CFAP61: variants seen among roughly 807,000 people sequenced by gnomAD.
CFAP61 encodes the protein cilia and flagella associated protein 61.
Under a neutral mutation model 135.6 loss-of-function variants are expected in CFAP61, and 107 were observed. The ratio of observed to expected loss-of-function variants is 0.79; its 90% CI spans 0.67 to 0.93. The LOEUF (loss-of-function observed/expected upper bound fraction) is 0.93. CFAP61 is among the 40% of genes least tolerant of loss of function. CFAP61 has a pLI of 0.00. For missense variants in CFAP61, 1,507 were observed against 1,556.2 expected, an observed-to-expected ratio of 0.97 and a Z score of 0.53; for synonymous variants, 575 against 578.5, an observed-to-expected ratio of 0.99 and a Z score of 0.09.
At chr20:20,187,836 T>G in intron 13 of CFAP61, 94 bp from the exon 14 acceptor site, 1 of 926,934 alleles carries the variant, frequency 1.1e-6, no homozygotes. Flanking sequence ...GGATATTATT[T>G]TATATAAGTG....
chr20:20,128,038 G>A (rs1036558494), intron 8 of CFAP61, among the ~76,000 whole-genome samples: 8 of 151,712 alleles, frequency 5.3e-5, no homozygotes, highest in African/African-American at 9.7e-5. Context: ...CATTCCCACT[G>A]TGCCCCACCC....
chr20:20,103,952 G>A (rs890006788), intron 8 of CFAP61, among the ~76,000 whole-genome samples: 1 of 152,188 alleles, frequency 6.6e-6, no homozygotes, highest in African/African-American at 2.4e-5. Context: ...CATGTAGGCC[G>A]TTGAGATCTG....
At chr20:20,233,692 A>C (rs2049345169) in intron 18 of CFAP61, among the ~76,000 whole-genome samples, 1 of 152,204 alleles carries the variant, frequency 6.6e-6, no homozygotes, top group African/African-American at 2.4e-5. Context: ...CACTAATCAC[A>C]ATGGGGTTTC....
chr20:20,129,084 G>T (rs1351491545), intron 8 of CFAP61, among the ~76,000 whole-genome samples: 1 of 151,534 alleles, frequency 6.6e-6, no homozygotes, highest in Non-Finnish European at 1.5e-5. Flanking sequence ...CTAGAGTTAT[G>T]AATAGATTGC....
At chr20:20,102,650 A>G (rs773169404) in intron 8 of CFAP61, among the ~76,000 whole-genome samples, 1 of 151,936 alleles carries the variant, frequency 6.6e-6, no homozygotes, top group Non-Finnish European at 1.5e-5. Flanking sequence ...TCCACCCTCA[A>G]AAGGCCCCAG....
rs560321516 is a variant in CFAP61 at position 20,203,522 on chromosome 20, AG to A, written c.1932+3623del. ...GTACACAGTAGGTATCGATGTTTAT[AG>A]GGTACATGAGATATTTTGATACAGG... On this transcript the variant is annotated intron_variant, in intron 17 of 26. Transcript: ENST00000245957. 2.9e-4 allele frequency among the ~76,000 whole-genome samples: 44 copies of A among 152,338 alleles called. No individual in the cohort carries two copies. In the South Asian group the frequency reaches 8.9e-3, roughly 31 times the overall value.
chr20:20,316,536 T>C (rs950403359), intron 25 of CFAP61, among the ~76,000 whole-genome samples: 2 of 150,522 alleles, frequency 1.3e-5, no homozygotes, highest in African/African-American at 5.0e-5. Context: ...TTTATTTCCT[T>C]CCCCTGCCTA....
intron 22 of CFAP61, among the ~76,000 whole-genome samples, chr20:20,283,025 G>A (rs915512301): frequency 2.6e-5 from 4 of 152,080 alleles, no homozygotes; most frequent in African/African-American, 9.7e-5. Context: ...TATGTATTAC[G>A]TATTATGTGC....
In CFAP61 at chr20:20,288,686, C is replaced by T. The variant is rs765426307; in HGVS notation, c.2874C>T (p.Asp958=). The change falls in exon 23 of 27, where the codon GAC becomes GAT. Residue 958 remains aspartate, a synonymous_variant. Transcript: ENST00000245957. ...TCAATGATGCATGTCTTGTGTATGA[C>T]AGTCGACTTGTGATTGATACCAACT... ...KALNDACLVY[D]SRLVIDTNFH... is the part of the protein sequence containing the mutation. The T allele has an allele frequency of 2.9e-5, 46 of 1,613,932 alleles. No homozygotes were observed. The highest frequency in any genetic ancestry group is 7.6e-6 in the Non-Finnish European group (9 of 1,179,898).
At chr20:20,322,906 A>G (rs540286053) in intron 25 of CFAP61, 2 of 985,440 alleles carry the variant, frequency 2.0e-6, no homozygotes, top group East Asian at 1.1e-4. Context: ...GTGACTTTCT[A>G]TACTTAAGTA....
intron 8 of CFAP61, among the ~76,000 whole-genome samples, chr20:20,135,578 T>C (rs993714768): frequency 4.6e-5 from 7 of 152,210 alleles, no homozygotes; most frequent in Admixed American, 2.6e-4. Flanking sequence ...TATAACCCAT[T>C]ATTTTAAACT....
At chr20:20,279,307 A>G (rs1265219507) in intron 22 of CFAP61, among the ~76,000 whole-genome samples, 2 of 152,180 alleles carry the variant, frequency 1.3e-5, no homozygotes, top group Non-Finnish European at 2.9e-5. Context: ...TGACTCTCCA[A>G]AAACTTAGCT....
intron 8 of CFAP61, among the ~76,000 whole-genome samples, chr20:20,135,880 C>T (rs2050885298): frequency 6.6e-6 from 1 of 152,132 alleles, no homozygotes; most frequent in South Asian, 2.1e-4. Flanking sequence ...GTCCTTTTCT[C>T]TCAGATTGAA....
intron 9 of CFAP61, among the ~76,000 whole-genome samples, chr20:20,150,226 A>G (rs1405888967): frequency 6.6e-6 from 1 of 151,954 alleles, no homozygotes; most frequent in Non-Finnish European, 1.5e-5. Flanking sequence ...GGAGGGTCTG[A>G]GCTCAGACCT....
In CFAP61 at chr20:20,071,016, C is replaced by T; in HGVS notation, c.294+12C>T. On this transcript the variant is annotated intron_variant, in intron 3 of 26. Coordinates refer to ENST00000245957, the MANE Select transcript of CFAP61 (RefSeq NM_015585.4). ...ACATCCCATGCACAGTAAGAAATCA[C>T]ATACAGTGCTTGTTAGAACACCCTG... is the stretch of plus-strand genomic sequence containing the variant. 1.2e-6 allele frequency: 2 copies of T among 1,611,358 alleles called. No individual in the cohort carries two copies. Among genetic ancestry groups the T allele is most frequent in the Non-Finnish European group, 1.7e-6 (2 of 1,178,822 alleles).
At chr20:20,271,080 C>A (rs2053309867) in intron 21 of CFAP61, among the ~76,000 whole-genome samples, 1 of 152,118 alleles carries the variant, frequency 6.6e-6, no homozygotes, top group Non-Finnish European at 1.5e-5. Context: ...TCACTTGAAG[C>A]CAGGATTTTG....
chr20:20,360,183 T>C (rs1448028309), intron 26 of CFAP61, 27 bp from the exon 27 acceptor site: 10 of 1,564,856 alleles, frequency 6.4e-6, no homozygotes, highest in Non-Finnish European at 7.9e-6. Context: ...TTAATTTCTG[T>C]ATCTGGCCTC....
chr20:20,056,874 T>G (rs2044382727), intron 2 of CFAP61, 78 bp downstream of exon 2: 1 of 1,355,056 alleles, frequency 7.4e-7, no homozygotes, highest in African/African-American at 1.4e-5. Context: ...TCTCAGCACT[T>G]TGAGAGGCCA....
chr20:20,211,098 T>G (rs1486168145), intron 17 of CFAP61, among the ~76,000 whole-genome samples: 1 of 152,230 alleles, frequency 6.6e-6, no homozygotes, highest in Non-Finnish European at 1.5e-5. Context: ...AGTTTAGTAA[T>G]TTTCCTAAAG....
Sources: allele counts gnomAD v4.1 joint callset (sites outside exome capture counted in the v4.1 genomes callset), GRCh38; gene constraint gnomAD v4.1.1; transcripts MANE v1.5; gene names NCBI Gene and HGNC (gene_info 2026-07-23, HGNC 2026-07-21).